ABHD14A: variants seen among roughly 807,000 people sequenced by gnomAD.
ABHD14A encodes the protein protein ABHD14A.
In ABHD14A, 19 loss-of-function variants were observed where a neutral mutation model predicts 27.0. The observed-to-expected ratio is 0.70, with a 90% CI of 0.49 to 1.03. ABHD14A has a LOEUF of 1.03. Ranked by LOEUF, ABHD14A falls within the 50% of genes least tolerant of loss-of-function variation. ABHD14A has a pLI of 0.00. For synonymous variants in ABHD14A, 148 were observed against 158.8 expected (o/e 0.93, Z 0.51); for missense variants, 311 against 344.6 (o/e 0.90, Z 0.77).
chr3:51,975,299 GGAA>G lies in ABHD14A; in HGVS notation c.69+100_69+102del, dbSNP rs995296680. The G allele has an allele frequency of 5.2e-6, 6 of 1,152,126 alleles. No homozygotes were observed. In the African/African-American group the frequency reaches 9.6e-5, roughly 18 times the overall value. 71.4% of individuals were successfully genotyped at this position (1,152,126 alleles called of 1,614,324 possible). On this transcript the variant is annotated intron_variant, in intron 1 of 4. Coordinates refer to ENST00000273596, the MANE Select transcript of ABHD14A (RefSeq NM_015407.5). Reference sequence around the variant, plus strand: ...CCGGCGCCCCGGGGCAGAGTCCCGCGGAAGAAGCAGACGCTGGGGCCGCGAATG... The same window carrying G: ...CCGGCGCCCCGGGGCAGAGTCCCGCGGAAGCAGACGCTGGGGCCGCGAATG...
At chr3:51,978,871 T>C in intron 3 of ABHD14A, 1 of 283,228 alleles carries the variant, frequency 3.5e-6, no homozygotes, top group Non-Finnish European at 7.6e-6. Context: ...GGATTACAGG[T>C]GTGAGCCACT....
At chr3:51,975,249 G>A (rs1374683210) in intron 1 of ABHD14A, 45 bp downstream of exon 1, 3 of 1,244,766 alleles carry the variant, frequency 2.4e-6, no homozygotes, top group Non-Finnish European at 3.0e-6. Context: ...CCCAGGGGAG[G>A]GCCGTCTTTA....
intron 3 of ABHD14A, chr3:51,979,137 A>G (rs1165119556): frequency 5.6e-6 from 1 of 177,312 alleles, no homozygotes; most frequent in African/African-American, 2.4e-5. Context: ...GATGTAGAGG[A>G]TTGTCTAGTG....
intron 3 of ABHD14A, 63 bp from the exon 4 acceptor site, chr3:51,980,330 G>A (rs753107296): frequency 2.0e-6 from 3 of 1,510,646 alleles, no homozygotes; most frequent in South Asian, 2.3e-5. Flanking sequence ...CCCCACTGTG[G>A]TGGGCAGGAA....
At chr3:51,980,317 T>C (rs970252985) in intron 3 of ABHD14A, 76 bp from the exon 4 acceptor site, 1 of 1,408,682 alleles carries the variant, frequency 7.1e-7, no homozygotes, top group African/African-American at 1.4e-5. Context: ...CCCCAACTTT[T>C]TCCCCCACTG....
In ABHD14A at chr3:51,977,821, C is replaced by A. The variant is rs145098750; in HGVS notation, c.70-50C>A. The A allele has an allele frequency of 3.2e-4, 500 of 1,540,006 alleles. 5 individuals carry two copies. In the East Asian group the frequency reaches 5.7e-3, roughly 18 times the overall value. On this transcript the variant is annotated intron_variant, in intron 1 of 4. Coordinates refer to ENST00000273596, the MANE Select transcript of ABHD14A (RefSeq NM_015407.5). ...GGGTTTTGGGATGGGATCCAGGGTC[C>A]TTGTAGGGACTCAGTTCCAGCCTCT...
In ABHD14A at chr3:51,977,945, G is replaced by A. The variant is rs1333954857; in HGVS notation, c.144G>A (p.Leu48=). Residue 48 remains leucine (L), a synonymous_variant, in exon 2 of 5, where the codon CTG becomes CTA. Transcript: ENST00000273596. ...LGLSLLLMLL[L]YVGLPGPPEQ... is the part of the protein sequence containing the mutation. ...TGAGTCTGCTGCTCATGCTCCTACT[G>A]TATGTGGGGCTGCCAGGCCCCCCTG... The A allele has an allele frequency of 6.2e-7, 1 of 1,614,144 alleles. No individual in the cohort carries two copies. The highest frequency in any genetic ancestry group is 8.5e-7 in the Non-Finnish European group (1 of 1,180,042).
intron 3 of ABHD14A, 24 bp from the exon 4 acceptor site, chr3:51,980,369 G>C (rs1378145122): frequency 3.1e-6 from 5 of 1,611,952 alleles, no homozygotes. Flanking sequence ...GTGCCCCTCA[G>C]CTGGTACCTG....
Position 51,977,904 on chromosome 3 carries a change from G to A in ABHD14A, c.103G>A (p.Val35Ile). 1 of 1,614,046 alleles carries A rather than the reference G, an allele frequency of 6.2e-7. No individual in the cohort carries two copies. Among genetic ancestry groups the A allele is most frequent in the East Asian group, 2.2e-5 (1 of 44,884 alleles). ...VVQTSMSRSQ[V>I]ALLGLSLLLM... ...ACAGACCTCCATGAGCCGGTCCCAG[G>A]TAGCCCTGCTGGGCCTGAGTCTGCT... The change falls in exon 2 of 5, where the codon GTA becomes ATA. Residue 35 changes from valine (V) to isoleucine (I), a missense_variant. Coordinates refer to ENST00000273596, the MANE Select transcript of ABHD14A (RefSeq NM_015407.5).
Position 51,975,195 on chromosome 3 carries a change from G to A in ABHD14A, c.60G>A (p.Pro20=), listed in dbSNP as rs1328092169. The A allele has an allele frequency of 2.4e-6, 3 of 1,270,364 alleles. No homozygotes were observed. Among genetic ancestry groups the A allele is most frequent in the African/African-American group, 1.5e-5 (1 of 64,612 alleles). 78.7% of individuals were successfully genotyped at this position (1,270,364 alleles called of 1,614,324 possible). The change falls in exon 1 of 5, where the codon CCG becomes CCA. Residue 20 remains proline (P), a synonymous_variant. Transcript: ENST00000273596. ...FRLGGARPLI[P]LGPTVVQTSM... Reference sequence around the variant, plus strand: ...TGGGCGGGGCCCGCCCGCTCATCCCGTTGGGCCCGGTGAGTCTCCCGGGGG... The same window carrying A: ...TGGGCGGGGCCCGCCCGCTCATCCCATTGGGCCCGGTGAGTCTCCCGGGGG...
At chr3:51,979,720 T>A (rs948764707) in intron 3 of ABHD14A, among the ~76,000 whole-genome samples, 3 of 151,802 alleles carry the variant, frequency 2.0e-5, no homozygotes, top group African/African-American at 4.8e-5. Flanking sequence ...CCTGACCTCA[T>A]GATCCGCCAC....
intron 1 of ABHD14A, among the ~76,000 whole-genome samples, chr3:51,975,462 G>C (rs1294271178): frequency 1.4e-5 from 2 of 144,886 alleles, no homozygotes; most frequent in Non-Finnish European, 3.0e-5. Context: ...TTTTGGGGGG[G>C]GGGTGTGTTC....
At chr3:51,980,725 T>C in intron 4 of ABHD14A, 97 bp downstream of exon 4, 1 of 1,554,376 alleles carries the variant, frequency 6.4e-7, no homozygotes, top group Non-Finnish European at 8.8e-7. Flanking sequence ...GCCTTATCCC[T>C]GACCTTGGAT....
rs149561537 is a variant in ABHD14A at position 51,979,090 on chromosome 3, C to T, written c.397+716C>T. The T allele has an allele frequency of 2.6e-3, 496 of 188,974 alleles. 1 individual carries two copies. The highest frequency in any genetic ancestry group is 0.011 in the African/African-American group (447 of 42,240). 11.7% of individuals were successfully genotyped at this position (188,974 alleles called of 1,614,324 possible). ...TCTAAGAAGTTTAGGGGATGCCACA[C>T]GCTGTTCTGGGTATTCCCACATGTA... On this transcript the variant is annotated intron_variant, in intron 3 of 4. Transcript: ENST00000273596.
At chr3:51,977,298 A>G (rs1402516093) in intron 1 of ABHD14A, among the ~76,000 whole-genome samples, 3 of 152,064 alleles carry the variant, frequency 2.0e-5, no homozygotes, top group Non-Finnish European at 4.4e-5. Flanking sequence ...AGCCCTCATC[A>G]CTTTTTCCAC....
chr3:51,980,158 G>A (rs1332369545), intron 3 of ABHD14A: 26 of 590,672 alleles, frequency 4.4e-5, no homozygotes, highest in East Asian at 1.8e-4. Flanking sequence ...TCCTAACCTC[G>A]TGATCTGCCC....
intron 2 of ABHD14A, 65 bp downstream of exon 2, chr3:51,978,147 C>A: frequency 6.4e-7 from 1 of 1,556,304 alleles, no homozygotes; most frequent in East Asian, 2.4e-5. Context: ...TGTGGGACCC[C>A]CATTATACTC....
intron 1 of ABHD14A, among the ~76,000 whole-genome samples, chr3:51,977,177 G>A (rs1191501389): frequency 6.6e-6 from 1 of 152,182 alleles, no homozygotes; most frequent in Non-Finnish European, 1.5e-5. Flanking sequence ...TAATGCGATT[G>A]TAAAACGCGT....
intron 4 of ABHD14A, 72 bp from the exon 5 acceptor site, chr3:51,980,763 CT>C: frequency 6.4e-7 from 1 of 1,574,118 alleles, no homozygotes; most frequent in Admixed American, 1.7e-5. Context: ...TTGGGGAAGG[CT>C]TCCTAGGAAG....
Sources: gnomAD v4.1 joint callset for allele counts (sites outside exome capture counted in the v4.1 genomes callset) on GRCh38, gnomAD v4.1.1 for gene constraint, MANE v1.5 for transcripts, NCBI Gene and HGNC (gene_info 2026-07-23, HGNC 2026-07-21) for gene names.